Variants in CA5A observed in about 807,000 individuals in gnomAD.
CA5A encodes carbonic anhydrase 5A, mitochondrial.
In CA5A, 28 loss-of-function variants were observed where a neutral mutation model predicts 37.1. The ratio of observed to expected loss-of-function variants is 0.75; its 90% CI spans 0.56 to 1.03. CA5A has a LOEUF of 1.03. Ranked by LOEUF, CA5A falls within the 50% of genes least tolerant of loss-of-function variation. The pLI, the probability that CA5A is intolerant of heterozygous loss-of-function variation, is 0.00. For missense variants in CA5A, 444 were observed against 399.9 expected (o/e 1.11, Z -0.94); for synonymous variants, 171 against 158.4 (o/e 1.08, Z -0.60).
chr16:87,930,642 C>T (rs533239533), intron 1 of CA5A, among the ~76,000 whole-genome samples: 2 of 151,860 alleles, frequency 1.3e-5, no homozygotes, highest in East Asian at 1.9e-4. Context: ...GTGGGGACTG[C>T]GGCGTGGGGA....
chr16:87,907,993 T>G (rs1462130111), intron 2 of CA5A, among the ~76,000 whole-genome samples: 1 of 152,190 alleles, frequency 6.6e-6, no homozygotes, highest in East Asian at 1.9e-4. Context: ...TCAACAGGAC[T>G]TAGTGCAGGA....
At chr16:87,910,067 C>T (rs1274355928) in intron 2 of CA5A, among the ~76,000 whole-genome samples, 1 of 150,538 alleles carries the variant, frequency 6.6e-6, no homozygotes, top group East Asian at 1.9e-4. Flanking sequence ...CAACGCTTGA[C>T]GTAAAGGAAG....
Position 87,911,664 on chromosome 16 carries a change from A to G in CA5A, c.341-6760T>C, listed in dbSNP as rs765266643. 1.3e-5 allele frequency among the ~76,000 whole-genome samples: 2 copies of G among 152,154 alleles called. No individual in the cohort carries two copies. Among genetic ancestry groups the G allele is most frequent in the African/African-American group, 2.4e-5 (1 of 41,432 alleles). ...CCCCAGGCAGGCAGGGGCCGCAGCC[A>G]CTGCAAGCCCCTGCCCACAGAACTC... On this transcript the variant is annotated intron_variant, in intron 2 of 6. Transcript: ENST00000649794. The surrounding 1 kb of genome is among the most constrained non-coding windows in gnomAD (Gnocchi z 4.6).
At chr16:87,892,288 T>C (rs1310363772) in intron 5 of CA5A, 1 of 173,446 alleles carries the variant, frequency 5.8e-6, no homozygotes, top group African/African-American at 2.4e-5. Context: ...GGCGGGTGCA[T>C]CACTTGAGGT....
In CA5A at chr16:87,911,160, G is replaced by C. The variant is rs1486400810; in HGVS notation, c.341-6256C>G. Among the ~76,000 whole-genome samples, 2 of 149,328 alleles carry C rather than the reference G, an allele frequency of 1.3e-5. No individual in the cohort carries two copies. The highest frequency in any genetic ancestry group is 3.0e-5 in the Non-Finnish European group (2 of 67,604). On this transcript the variant is annotated intron_variant, in intron 2 of 6. Transcript: ENST00000649794. The surrounding 1 kb of genome is among the most constrained non-coding windows in gnomAD (Gnocchi z 4.6). ...ACGAAAAGGGGTCTTTAAGCTGCCA[G>C]CCCCCATCCCCCGGACTCTGCTATC...
chr16:87,927,108 G>A (rs1332489326), intron 1 of CA5A, among the ~76,000 whole-genome samples, 163 bp from the exon 2 acceptor site: 3 of 152,238 alleles, frequency 2.0e-5, no homozygotes, highest in Non-Finnish European at 2.9e-5. Context: ...AGCGACGCAC[G>A]CCCACAGGGT....
chr16:87,925,890 G>A (rs1461099346), intron 2 of CA5A, among the ~76,000 whole-genome samples: 1 of 151,990 alleles, frequency 6.6e-6, no homozygotes, highest in Non-Finnish European at 1.5e-5. Flanking sequence ...CCAGCCGCCT[G>A]CTCAGTCTGT....
intron 2 of CA5A, among the ~76,000 whole-genome samples, chr16:87,907,391 T>G (rs187931101): frequency 1.3e-5 from 2 of 152,154 alleles, no homozygotes; most frequent in Admixed American, 6.5e-5. Flanking sequence ...TCAAAGTGCA[T>G]TGATGGGTGA....
intron 2 of CA5A, among the ~76,000 whole-genome samples, chr16:87,906,096 C>T (rs112703375): frequency 5.9e-5 from 9 of 152,354 alleles, no homozygotes; most frequent in South Asian, 2.1e-4. Flanking sequence ...ATGGGGTACC[C>T]GTTCCACACG....
Position 87,900,125 on chromosome 16 carries a change from C to A in CA5A, c.618+1787G>T, listed in dbSNP as rs552666989. 3.3e-5 allele frequency among the ~76,000 whole-genome samples: 5 copies of A among 152,118 alleles called. No individual in the cohort carries two copies. In the East Asian group the frequency reaches 9.7e-4, roughly 29 times the overall value. On this transcript the variant is annotated intron_variant, in intron 5 of 6. Transcript: ENST00000649794. Reference sequence around the variant, plus strand: ...AGAAGAAATGCTCCAGAACCTTCCCCGGGAGGAAAACAGCCCTTGGGTAAA... The same window carrying A: ...AGAAGAAATGCTCCAGAACCTTCCCAGGGAGGAAAACAGCCCTTGGGTAAA...
chr16:87,897,293 T>A (rs539084450), intron 5 of CA5A, among the ~76,000 whole-genome samples: 1 of 152,376 alleles, frequency 6.6e-6, no homozygotes, highest in African/African-American at 2.4e-5. Flanking sequence ...CCTGAGGAGC[T>A]TGCGGCTTGT....
chr16:87,908,021 C>T (rs757089902), intron 2 of CA5A, among the ~76,000 whole-genome samples: 1 of 152,228 alleles, frequency 6.6e-6, no homozygotes, highest in Non-Finnish European at 1.5e-5. Context: ...ATCGAAGGCA[C>T]ACAACGAACC....
Position 87,888,202 on chromosome 16 carries a change from C to T in CA5A, c.845G>A (p.Arg282His), listed in dbSNP as rs750315768. The T allele has an allele frequency of 1.9e-6, 3 of 1,613,796 alleles. No individual in the cohort carries two copies. Among genetic ancestry groups the T allele is most frequent in the East Asian group, 2.2e-5 (1 of 44,884 alleles). The change falls in exon 7 of 7, where the codon CGC (arginine) becomes CAC (histidine). Residue 282 changes from arginine (R) to histidine (H), a missense_variant. Arg to His is a conservative substitution (Grantham distance 29). Coordinates refer to ENST00000649794, the MANE Select transcript of CA5A (RefSeq NM_001739.2). ...EEEKMMVNNYRPLQPLMNRKV... is the reference protein window; with the variant it reads ...EEEKMMVNNYHPLQPLMNRKV... ...CCGGTTCATCAAGGGTTGAAGTGGG[C>T]GATAGTTGTTCACCATCATCTTCTC...
chr16:87,929,804 G>A (rs549993736), intron 1 of CA5A, among the ~76,000 whole-genome samples: 251 of 141,808 alleles, frequency 1.8e-3, no homozygotes, highest in African/African-American at 5.9e-3. Flanking sequence ...CCCGGGAGGC[G>A]GAGCTTGCAG....
chr16:87,895,712 C>T lies in CA5A; in HGVS notation c.619-3758G>A, dbSNP rs140960877. 4.5e-3 allele frequency among the ~76,000 whole-genome samples: 686 copies of T among 152,226 alleles called. 8 individuals are homozygous for T. The highest frequency in any genetic ancestry group is 3.1e-3 in the Non-Finnish European group (211 of 68,020). ...TTTTAGCTATGGTCCCCACCCCCGC[C>T]CTGCTGCTTCTGTCTCTGTGGGTTT... On this transcript the variant is annotated intron_variant, in intron 5 of 6. Transcript: ENST00000649794.
At chr16:87,889,412 T>A (rs2055682053) in intron 6 of CA5A, among the ~76,000 whole-genome samples, 1 of 152,182 alleles carries the variant, frequency 6.6e-6, no homozygotes, top group Non-Finnish European at 1.5e-5. Context: ...CAGCAATAGA[T>A]AACTAACACC....
chr16:87,920,470 C>A (rs759409058), intron 2 of CA5A, among the ~76,000 whole-genome samples: 1 of 151,522 alleles, frequency 6.6e-6, no homozygotes, highest in Non-Finnish European at 1.5e-5. Flanking sequence ...CCACCACGCT[C>A]GGCTAATTTT....
chr16:87,893,829 A>G, intron 5 of CA5A: 1 of 328,956 alleles, frequency 3.0e-6, no homozygotes, highest in East Asian at 8.5e-5. Context: ...CAGGAGTGCA[A>G]TGATGCCATC....
At position 87,890,833 on chromosome 16, in the gene CA5A, T is replaced by C. The variant is rs368267447; in HGVS notation, c.774+966A>G. Among the ~76,000 whole-genome samples the C allele has an allele frequency of 2.6e-5, 4 of 151,914 alleles. No homozygotes were observed. The East Asian group carries it at 5.8e-4, about 22-fold the overall frequency. On this transcript the variant is annotated intron_variant, in intron 6 of 6. Coordinates refer to ENST00000649794, the MANE Select transcript of CA5A (RefSeq NM_001739.2). ...ATTTGAGATGGAGTTTTGCTCTTGTTGTCCAGGCTGGAGTGCAGTGGCGTG... is the reference window on the plus strand; with the variant it reads ...ATTTGAGATGGAGTTTTGCTCTTGTCGTCCAGGCTGGAGTGCAGTGGCGTG...
Sources: gnomAD v4.1 joint callset for allele counts (sites outside exome capture counted in the v4.1 genomes callset) on GRCh38, gnomAD v4.1.1 for gene constraint, Gnocchi (gnomAD v3.1) non-coding constraint, MANE v1.5 for transcripts, NCBI Gene and HGNC (gene_info 2026-07-23, HGNC 2026-07-21) for gene names.